Variants in ERBB4 observed in about 807,000 individuals in gnomAD.
ERBB4 encodes erb-b2 receptor tyrosine kinase 4.
Under a neutral mutation model 158.0 loss-of-function variants are expected in ERBB4, and 42 were observed. That is an observed-to-expected ratio of 0.27 (90% CI 0.21 to 0.34). ERBB4 has a LOEUF of 0.34. Among genes scored for constraint, ERBB4 ranks in the 10% least tolerant of loss-of-function variants. The pLI is 1.00. For missense variants in ERBB4, 1,333 were observed against 1,624.1 expected, an observed-to-expected ratio of 0.82 and a Z score of 3.08; for synonymous variants, 583 against 558.7, an observed-to-expected ratio of 1.04 and a Z score of -0.61.
intron 1 of ERBB4, among the ~76,000 whole-genome samples, chr2:212,460,870 A>C (rs1265566192): frequency 6.6e-6 from 1 of 152,210 alleles, no homozygotes; most frequent in African/African-American, 2.4e-5. Context: ...AGAGGTCTTC[A>C]TGGCAGCCCC....
At chr2:212,352,600 G>A (rs1027514383) in intron 1 of ERBB4, among the ~76,000 whole-genome samples, 5 of 152,108 alleles carry the variant, frequency 3.3e-5, no homozygotes, top group African/African-American at 1.2e-4. Context: ...AGGTGTGGTG[G>A]CTCATGCCTG....
intron 17 of ERBB4, among the ~76,000 whole-genome samples, chr2:211,626,038 G>C (rs994477344): frequency 1.3e-5 from 2 of 152,146 alleles, no homozygotes; most frequent in African/African-American, 4.8e-5. Context: ...TTATATGACA[G>C]TGTTGCCACT....
intron 3 of ERBB4, among the ~76,000 whole-genome samples, chr2:211,928,445 G>A (rs1412889620): frequency 6.6e-6 from 1 of 152,140 alleles, no homozygotes; most frequent in African/African-American, 2.4e-5. Context: ...CAAATGCCAG[G>A]CTGGGGGCTA....
chr2:211,422,279 CTT>C (rs1179604339), intron 23 of ERBB4, among the ~76,000 whole-genome samples, 175 bp from the exon 24 acceptor site: 3 of 151,866 alleles, frequency 2.0e-5, no homozygotes, highest in East Asian at 1.9e-4. Context: ...TTATCGGTCT[CTT>C]TGTTGATATT....
chr2:211,967,476 A>G (rs2081338893), intron 2 of ERBB4, among the ~76,000 whole-genome samples: 1 of 152,058 alleles, frequency 6.6e-6, no homozygotes, highest in African/African-American at 2.4e-5. Context: ...CAATCTTTTA[A>G]TTATCATTGG....
At chr2:212,483,775 T>C (rs1170723288) in intron 1 of ERBB4, among the ~76,000 whole-genome samples, 2 of 152,182 alleles carry the variant, frequency 1.3e-5, no homozygotes, top group Non-Finnish European at 2.9e-5. Context: ...CTTGCTCTAT[T>C]GCCCAGGCTG....
At chr2:212,111,770 T>C (rs2079416218) in intron 2 of ERBB4, among the ~76,000 whole-genome samples, 1 of 152,120 alleles carries the variant, frequency 6.6e-6, no homozygotes, top group South Asian at 2.1e-4. Flanking sequence ...GGCAGGGTGC[T>C]AGGTACTGGG....
At chr2:211,672,913 G>A (rs2071897564) in intron 14 of ERBB4, among the ~76,000 whole-genome samples, 2 of 152,052 alleles carry the variant, frequency 1.3e-5, no homozygotes, top group South Asian at 4.2e-4. Flanking sequence ...CAATAGTCCA[G>A]GACTACTCTA....
intron 4 of ERBB4, among the ~76,000 whole-genome samples, chr2:211,775,314 T>A (rs541610079): frequency 2.0e-5 from 3 of 152,270 alleles, no homozygotes; most frequent in Admixed American, 6.5e-5. Flanking sequence ...CTGTGTAAAG[T>A]TATTTCTAGT....
rs1391461337 is a variant in ERBB4, at chr2:212,459,444, T to G, written c.82+79005A>C. Among the ~76,000 whole-genome samples, 4 of 151,984 alleles carry G rather than the reference T, an allele frequency of 2.6e-5. No individual in the cohort carries two copies. The East Asian group carries it at 5.8e-4, about 22-fold the overall frequency. ...ACTGTAAAGCACTGATGAAAAAAAT[T>G]GAAGAGGACAAAAATAATGAAAAGA... On this transcript the variant is annotated intron_variant, in intron 1 of 27. Coordinates refer to ENST00000342788, the MANE Select transcript of ERBB4 (RefSeq NM_005235.3).
chr2:212,031,824 T>C (rs1040100377), intron 2 of ERBB4, among the ~76,000 whole-genome samples: 7 of 152,108 alleles, frequency 4.6e-5, no homozygotes, highest in African/African-American at 1.4e-4. Context: ...TCTGACACTT[T>C]ATATTAAATT....
intron 19 of ERBB4, among the ~76,000 whole-genome samples, chr2:211,580,893 ATATATATATATAT>A (rs1380537994): frequency 0.094 from 578 of 6,126 alleles, 128 homozygotes; most frequent in African/African-American, 0.43. Context: ...ATATATATAT[ATATATATATATAT>A]ATATATATAT....
intron 5 of ERBB4, among the ~76,000 whole-genome samples, chr2:211,747,597 A>G (rs1241014201): frequency 6.6e-6 from 1 of 152,174 alleles, no homozygotes; most frequent in Admixed American, 6.6e-5. Context: ...ACTTTTGTGA[A>G]ATTTAGCCAA....
intron 1 of ERBB4, among the ~76,000 whole-genome samples, chr2:212,169,505 T>G (rs1416708616): frequency 1.2e-4 from 18 of 151,920 alleles, no homozygotes; most frequent in Admixed American, 1.2e-3. Context: ...TATACAAAAA[T>G]CAACTCAAGA....
At chr2:211,737,183 AC>A (rs2074628561) in intron 5 of ERBB4, among the ~76,000 whole-genome samples, 1 of 152,206 alleles carries the variant, frequency 6.6e-6, no homozygotes, top group African/African-American at 2.4e-5. Context: ...TGAATGCTTG[AC>A]ATCCCTATTA....
At chr2:211,757,388 A>G (rs1261305381) in intron 4 of ERBB4, among the ~76,000 whole-genome samples, 1 of 152,216 alleles carries the variant, frequency 6.6e-6, no homozygotes, top group Non-Finnish European at 1.5e-5. Context: ...ATCTTACAGT[A>G]TATTACATCA....
At chr2:212,527,333 G>T (rs1692502684) in intron 1 of ERBB4, among the ~76,000 whole-genome samples, 1 of 151,976 alleles carries the variant, frequency 6.6e-6, no homozygotes, top group Non-Finnish European at 1.5e-5. Flanking sequence ...GTAATATTAG[G>T]TTGGTGTAAA....
chr2:212,278,552 C>G (rs967546279), intron 1 of ERBB4, among the ~76,000 whole-genome samples: 5 of 151,630 alleles, frequency 3.3e-5, no homozygotes, highest in African/African-American at 1.2e-4. Flanking sequence ...AAAATGGCTT[C>G]TAACATTTAA....
rs185143893 is a variant in ERBB4, at chr2:211,830,299, C to G, written c.422-42140G>C. 2.6e-3 allele frequency among the ~76,000 whole-genome samples: 391 copies of G among 152,230 alleles called. 2 individuals are homozygous for G. Among genetic ancestry groups the G allele is most frequent in the African/African-American group, 9.2e-3 (383 of 41,562 alleles). ...TTGAGGGCATCATCAGTATCTGCTT[C>G]CCTGATCTCTATGCTAACAACCCAG... On this transcript the variant is annotated intron_variant, in intron 3 of 27. Coordinates refer to ENST00000342788, the MANE Select transcript of ERBB4 (RefSeq NM_005235.3).
Sources: gnomAD v4.1 joint callset for allele counts (sites outside exome capture counted in the v4.1 genomes callset) on GRCh38, gnomAD v4.1.1 for gene constraint, MANE v1.5 for transcripts, NCBI Gene and HGNC (gene_info 2026-07-23, HGNC 2026-07-21) for gene names.